SLC9A9: variants seen among roughly 807,000 people sequenced by gnomAD.
The protein encoded by SLC9A9 is solute carrier family 9 member A9.
Under a neutral mutation model 77.8 loss-of-function variants are expected in SLC9A9, and 62 were observed. The ratio of observed to expected loss-of-function variants is 0.80; its 90% CI spans 0.65 to 0.98. The LOEUF is 0.98. SLC9A9 is among the 50% of genes least tolerant of loss of function. The pLI is 0.00. For synonymous variants in SLC9A9, 320 were observed against 283.5 expected (o/e 1.13, Z -1.29); for missense variants, 775 against 774.9 (o/e 1.00, Z 0.00).
intron 5 of SLC9A9, among the ~76,000 whole-genome samples, chr3:143,665,966 T>C (rs1246381007): frequency 6.6e-6 from 1 of 152,148 alleles, no homozygotes; most frequent in South Asian, 2.1e-4. Context: ...ACGGAATCCT[T>C]CCTAACTCAT....
intron 14 of SLC9A9, among the ~76,000 whole-genome samples, chr3:143,319,561 TCA>T: frequency 6.6e-6 from 1 of 152,222 alleles, no homozygotes; most frequent in African/African-American, 2.4e-5. Context: ...TTTTCATCTG[TCA>T]GAAGAAAGGG....
intron 4 of SLC9A9, among the ~76,000 whole-genome samples, chr3:143,761,631 C>T (rs1391221617): frequency 6.6e-6 from 1 of 152,166 alleles, no homozygotes; most frequent in African/African-American, 2.4e-5. Context: ...CAAATCAAAA[C>T]CACAATGAGA....
At chr3:143,721,315 C>T (rs2108802708) in intron 4 of SLC9A9, among the ~76,000 whole-genome samples, 2 of 152,334 alleles carry the variant, frequency 1.3e-5, no homozygotes, top group Middle Eastern at 6.8e-3. Flanking sequence ...CAGGTCCTCA[C>T]AGCATGTGGA....
At chr3:143,583,768 T>G (rs2037494739) in intron 6 of SLC9A9, among the ~76,000 whole-genome samples, 1 of 152,220 alleles carries the variant, frequency 6.6e-6, no homozygotes, top group Admixed American at 6.5e-5. Flanking sequence ...TCTCTCTGAG[T>G]GCTTCATTTA....
At chr3:143,627,517 A>G (rs1005165776) in intron 6 of SLC9A9, 1 of 288,752 alleles carries the variant, frequency 3.5e-6, no homozygotes, top group African/African-American at 2.3e-5. Flanking sequence ...ACAGTATGCC[A>G]CATGCAGAGG....
chr3:143,280,084 G>T (rs1220751482), intron 14 of SLC9A9, among the ~76,000 whole-genome samples: 2 of 152,126 alleles, frequency 1.3e-5, no homozygotes, highest in South Asian at 4.2e-4. Context: ...GCCTCCCAAG[G>T]TGCTGGGATT....
intron 4 of SLC9A9, among the ~76,000 whole-genome samples, chr3:143,727,890 A>G (rs781466204): frequency 6.6e-6 from 1 of 152,264 alleles, no homozygotes; most frequent in Non-Finnish European, 1.5e-5. Flanking sequence ...TTTGACAAAT[A>G]CTTATTGATG....
chr3:143,302,770 A>G (rs1243747993), intron 14 of SLC9A9, among the ~76,000 whole-genome samples: 1 of 152,224 alleles, frequency 6.6e-6, no homozygotes, highest in African/African-American at 2.4e-5. Flanking sequence ...CTCAGGCTCA[A>G]GACAGGCAGA....
At chr3:143,304,169 G>A (rs1349936497) in intron 14 of SLC9A9, among the ~76,000 whole-genome samples, 2 of 152,068 alleles carry the variant, frequency 1.3e-5, no homozygotes, top group African/African-American at 2.4e-5. Context: ...CTTCATAATA[G>A]GTCTGCTTAT....
At chr3:143,805,254 T>G (rs2008679300) in intron 2 of SLC9A9, among the ~76,000 whole-genome samples, 1 of 151,944 alleles carries the variant, frequency 6.6e-6, no homozygotes, top group Non-Finnish European at 1.5e-5. Flanking sequence ...ATGTGACAAA[T>G]CCTCCTTCTA....
chr3:143,817,577 T>C (rs1016190556), intron 2 of SLC9A9, among the ~76,000 whole-genome samples: 3 of 152,244 alleles, frequency 2.0e-5, no homozygotes, highest in African/African-American at 7.2e-5. Flanking sequence ...TTATATAGTT[T>C]GATTCTTACT....
At chr3:143,758,586 G>A (rs2007007121) in intron 4 of SLC9A9, among the ~76,000 whole-genome samples, 2 of 152,140 alleles carry the variant, frequency 1.3e-5, no homozygotes, top group African/African-American at 2.4e-5. Flanking sequence ...AAGCCAAGGT[G>A]GGGGTAGTGG....
At chr3:143,313,796 C>T (rs949465855) in intron 14 of SLC9A9, among the ~76,000 whole-genome samples, 17 of 152,232 alleles carry the variant, frequency 1.1e-4, no homozygotes, top group Non-Finnish European at 1.9e-4. Context: ...TGGGGAATGG[C>T]CCTGGTTGGG....
intron 14 of SLC9A9, among the ~76,000 whole-genome samples, chr3:143,330,370 C>G (rs906326846): frequency 6.6e-6 from 1 of 152,166 alleles, no homozygotes; most frequent in Admixed American, 6.5e-5. Context: ...CTGAAAGGGA[C>G]AGTCATGGTC....
intron 4 of SLC9A9, among the ~76,000 whole-genome samples, chr3:143,735,939 A>T (rs1022430765): frequency 6.6e-6 from 1 of 152,192 alleles, no homozygotes; most frequent in East Asian, 1.9e-4. Flanking sequence ...TTTCCAGCTT[A>T]TCTGTTCTTT....
At chr3:143,298,480 G>A (rs777614818) in intron 14 of SLC9A9, among the ~76,000 whole-genome samples, 1 of 152,218 alleles carries the variant, frequency 6.6e-6, no homozygotes, top group Non-Finnish European at 1.5e-5. Context: ...CCAAGTCTGA[G>A]GTGTGGCAAA....
intron 11 of SLC9A9, among the ~76,000 whole-genome samples, chr3:143,482,994 G>T (rs1001328527): frequency 2.0e-5 from 3 of 152,202 alleles, no homozygotes; most frequent in African/African-American, 4.8e-5. Flanking sequence ...TAGCAGAGCA[G>T]TTATGACCTC....
chr3:143,611,326 C>G (rs2038018711), intron 6 of SLC9A9, among the ~76,000 whole-genome samples: 1 of 151,732 alleles, frequency 6.6e-6, no homozygotes, highest in Non-Finnish European at 1.5e-5. Flanking sequence ...TAAATAGGTT[C>G]CATAAGAAAG....
intron 4 of SLC9A9, among the ~76,000 whole-genome samples, chr3:143,778,436 G>T (rs1003626613): frequency 6.6e-6 from 1 of 152,116 alleles, no homozygotes; most frequent in Non-Finnish European, 1.5e-5. Flanking sequence ...AACAAATATC[G>T]CACAGCAATT....
Sources: gnomAD v4.1 joint callset for allele counts (sites outside exome capture counted in the v4.1 genomes callset) on GRCh38, gnomAD v4.1.1 for gene constraint, MANE v1.5 for transcripts, NCBI Gene and HGNC (gene_info 2026-07-23, HGNC 2026-07-21) for gene names.